NOSTRIN: variants seen among roughly 807,000 people sequenced by gnomAD.
NOSTRIN encodes the protein BM247 homolog.
NOSTRIN carries 63 observed loss-of-function variants against 59.0 expected under a neutral mutation model. The observed-to-expected ratio is 1.07, with a 90% confidence interval of 0.87 to 1.32. The LOEUF (loss-of-function observed/expected upper bound fraction) is 1.32. NOSTRIN is among the 40% of genes most tolerant of loss of function. NOSTRIN has a pLI of 0.00. For synonymous variants in NOSTRIN, 200 were observed against 165.4 expected (o/e 1.21, Z -1.61); for missense variants, 512 against 473.1 (o/e 1.08, Z -0.76).
chr2:168,796,290 C>T (rs1434412607), upstream of NOSTRIN, among the ~76,000 whole-genome samples: 1 of 152,166 alleles, frequency 6.6e-6, no homozygotes, highest in Non-Finnish European at 1.5e-5. Flanking sequence ...TAAGGTGTGT[C>T]AAGACGTGTC....
At chr2:168,853,706 G>A (rs935583306) in intron 10 of NOSTRIN, among the ~76,000 whole-genome samples, 2 of 152,148 alleles carry the variant, frequency 1.3e-5, no homozygotes, top group African/African-American at 4.8e-5. Context: ...AGTTTACTTG[G>A]GGGTGTGATG....
chr2:168,822,443 A>G (rs1432981726), intron 2 of NOSTRIN, among the ~76,000 whole-genome samples: 1 of 152,236 alleles, frequency 6.6e-6, no homozygotes, highest in Non-Finnish European at 1.5e-5. Flanking sequence ...TGCTCAGTCT[A>G]TGCCACGGAG....
At chr2:168,845,615 A>T (rs200249700) in intron 8 of NOSTRIN, among the ~76,000 whole-genome samples, 1 of 151,996 alleles carries the variant, frequency 6.6e-6, no homozygotes, top group Admixed American at 6.6e-5. Flanking sequence ...TTCCCCTACA[A>T]CCACCACTCC....
At chr2:168,844,047 A>G (rs760362545) in intron 8 of NOSTRIN, among the ~76,000 whole-genome samples, 2 of 152,258 alleles carry the variant, frequency 1.3e-5, no homozygotes, top group Non-Finnish European at 1.5e-5. Flanking sequence ...ATATTTAAAC[A>G]TGAATTAACC....
chr2:168,856,314 C>A (rs977304632), intron 11 of NOSTRIN: 3 of 248,220 alleles, frequency 1.2e-5, no homozygotes, highest in African/African-American at 4.6e-5. Flanking sequence ...CTGTGGCTCA[C>A]GCCTATAATC....
At chr2:168,794,602 C>T (rs562015460), upstream of NOSTRIN, among the ~76,000 whole-genome samples, 20 of 152,264 alleles carry the variant, frequency 1.3e-4, no homozygotes, top group Admixed American at 5.2e-4. Context: ...CCACCTGCCT[C>T]GGCCTCCCAA....
chr2:168,861,894 A>G, intron 14 of NOSTRIN, 66 bp from the exon 15 acceptor site: 1 of 1,423,992 alleles, frequency 7.0e-7, no homozygotes, highest in African/African-American at 1.4e-5. Flanking sequence ...AAATAACCAA[A>G]GAGCTTCAGC....
intron 11 of NOSTRIN, chr2:168,856,298 T>C (rs1008506137): frequency 1.3e-5 from 3 of 233,900 alleles, no homozygotes; most frequent in Non-Finnish European, 2.5e-5. Context: ...TACTGGTGGC[T>C]GGGTGCTGTG....
intron 15 of NOSTRIN, among the ~76,000 whole-genome samples, chr2:168,864,451 A>G (rs1689721937): frequency 6.6e-6 from 1 of 151,282 alleles, no homozygotes; most frequent in African/African-American, 2.4e-5. Context: ...ACACCCAGCT[A>G]ATTTTTGTAT....
chr2:168,800,846 C>G (rs1685590763), upstream of NOSTRIN, among the ~76,000 whole-genome samples: 1 of 150,674 alleles, frequency 6.6e-6, no homozygotes, highest in South Asian at 2.1e-4. Context: ...GAGAAGCCCC[C>G]TCAAGTGGGA....
At chr2:168,817,061 G>A (rs1686446275) in intron 2 of NOSTRIN, among the ~76,000 whole-genome samples, 1 of 152,220 alleles carries the variant, frequency 6.6e-6, no homozygotes, top group Admixed American at 6.5e-5. Context: ...CAGCCACTGT[G>A]TTAAGTGTGT....
rs1455177583 is a variant in NOSTRIN at position 168,865,236 on chromosome 2, C to A, written c.*266C>A. On this transcript the variant is annotated 3_prime_UTR_variant, in exon 16 of 16. Transcript: ENST00000317647. ...AGACCCTAGAGATGATCCAGTATAA[C>A]CCCTGGTGTCACAGAAACAGACGGA... 2.8e-6 allele frequency: 1 copy of A among 352,512 alleles called. No homozygotes were observed. The highest frequency in any genetic ancestry group is 5.2e-6 in the Non-Finnish European group (1 of 193,720). 21.8% of individuals were successfully genotyped at this position (352,512 alleles called of 1,614,324 possible). A position where few individuals can be genotyped will look rare whatever the true frequency, so the allele number is the denominator to read the frequency against.
chr2:168,819,336 C>T (rs575809196), intron 2 of NOSTRIN, among the ~76,000 whole-genome samples: 1 of 152,298 alleles, frequency 6.6e-6, no homozygotes, highest in South Asian at 2.1e-4. Flanking sequence ...ACATATACTG[C>T]CTCATTAGAC....
chr2:168,809,408 G>T (rs775103309), intron 1 of NOSTRIN, among the ~76,000 whole-genome samples: 1 of 152,060 alleles, frequency 6.6e-6, no homozygotes, highest in Admixed American at 6.5e-5. Flanking sequence ...AAAGGGGGAG[G>T]GAGGCTGAGA....
intron 15 of NOSTRIN, among the ~76,000 whole-genome samples, chr2:168,862,545 TAAG>T (rs1045726156): frequency 1.1e-4 from 7 of 61,120 alleles, no homozygotes; most frequent in Non-Finnish European, 2.9e-4. Flanking sequence ...CAACTTAGTG[TAAG>T]TAAGTGCAAA....
Position 168,860,836 on chromosome 2 carries a change from A to C in NOSTRIN, c.1221A>C (p.Leu407Phe), listed in dbSNP as rs1559144282. The C allele has an allele frequency of 6.2e-7, 1 of 1,613,954 alleles. No individual in the cohort carries two copies. Residue 407 changes from leucine to phenylalanine, a missense_variant, in exon 14 of 16, where the codon TTA becomes TTC. Leu to Phe is a conservative substitution (Grantham distance 22, BLOSUM62 0). Coordinates refer to ENST00000317647, the MANE Select transcript of NOSTRIN (RefSeq NM_001039724.4). ...HSYVKISRPF[L>F]MKRLENIVSK... ...ATGTGAAAATATCTCGGCCTTTTTT[A>C]ATGAAGAGATTAGAGAATATTGTGA...
intron 12 of NOSTRIN, among the ~76,000 whole-genome samples, chr2:168,856,996 T>C (rs890095295): frequency 6.6e-6 from 1 of 152,258 alleles, no homozygotes; most frequent in Middle Eastern, 3.4e-3. Flanking sequence ...AGGAAAAGAA[T>C]TGTGTCTAAA....
At chr2:168,791,872 T>G (rs1005067673) in intron 2 of NOSTRIN, among the ~76,000 whole-genome samples, 1 of 152,230 alleles carries the variant, frequency 6.6e-6, no homozygotes, top group Non-Finnish European at 1.5e-5. Context: ...CATTATAGAT[T>G]CTGGATATTA....
upstream of NOSTRIN, chr2:168,798,312 C>T (rs574186041): frequency 5.9e-5 from 9 of 152,242 alleles, no homozygotes; most frequent in East Asian, 1.9e-4. Context: ...ATTCTTTGCA[C>T]GCTTTGGCTA....
Sources: gnomAD v4.1 joint callset for allele counts (sites outside exome capture counted in the v4.1 genomes callset) on GRCh38, gnomAD v4.1.1 for gene constraint, MANE v1.5 for transcripts, NCBI Gene and HGNC (gene_info 2026-07-23, HGNC 2026-07-21) for gene names.